Variants in XCR1 observed in about 807,000 individuals in gnomAD.
The protein encoded by XCR1 is X-C motif chemokine receptor 1, also known as chemokine XC receptor 1.
For synonymous variants in XCR1, 187 were observed against 188.5 expected (o/e 0.99, Z 0.06); for missense variants, 356 against 424.2 (o/e 0.84, Z 1.41).
At chr3:46,050,420 AACAATACTTCCT>A (rs1697718713) in intron 5 of XCR1, among the ~76,000 whole-genome samples, 1 of 152,160 alleles carries the variant, frequency 6.6e-6, no homozygotes, top group Non-Finnish European at 1.5e-5. Context: ...CCTCTCCATT[AACAATACTTCCT>A]AAGTATTGGT....
rs555642913 is a variant in XCR1, at chr3:46,054,558, G to A, written c.-182-488C>T. Among the ~76,000 whole-genome samples, 22 of 152,084 alleles carry A rather than the reference G, an allele frequency of 1.4e-4. No homozygotes were observed. In the South Asian group the frequency reaches 2.9e-3, roughly 20 times the overall value. ...ACACTCAAAAGGACGAGGGGGGGGC[G>A]AGTGTGATGGATTACTGTTACCGAA... On this transcript the variant is annotated intron_variant, in intron 4 of 5. Coordinates refer to the XCR1 transcript ENST00000683768.
intron 5 of XCR1, among the ~76,000 whole-genome samples, chr3:46,048,475 G>A (rs966613860): frequency 2.6e-5 from 4 of 151,946 alleles, no homozygotes; most frequent in African/African-American, 4.8e-5. Context: ...GATTCTGGTC[G>A]GCCTTCTCTC....
chr3:46,060,753 A>G (rs904540270), intron 4 of XCR1, among the ~76,000 whole-genome samples: 3 of 152,198 alleles, frequency 2.0e-5, no homozygotes, highest in Admixed American at 6.5e-5. Context: ...CTATGGAGAA[A>G]CAGTATGTAT....
chr3:46,042,910 A>G (rs1479450173), intron 5 of XCR1, among the ~76,000 whole-genome samples: 3 of 152,230 alleles, frequency 2.0e-5, no homozygotes, highest in African/African-American at 4.8e-5. Context: ...ATATAGATGC[A>G]AAAATCCTCA....
chr3:46,065,803 T>A (rs188959185), intron 4 of XCR1, among the ~76,000 whole-genome samples: 143 of 152,294 alleles, frequency 9.4e-4, no homozygotes, highest in Admixed American at 4.2e-3. Flanking sequence ...CTGGGCGGTG[T>A]GCTCTAAATG....
intron 4 of XCR1, among the ~76,000 whole-genome samples, chr3:46,059,941 G>A (rs1430658611): frequency 6.6e-6 from 1 of 152,190 alleles, no homozygotes; most frequent in Non-Finnish European, 1.5e-5. Flanking sequence ...GTGTCCTTGA[G>A]TGATAGTAGT....
chr3:46,063,586 G>T (rs1409430526), intron 4 of XCR1, among the ~76,000 whole-genome samples: 1 of 152,132 alleles, frequency 6.6e-6, no homozygotes, highest in Non-Finnish European at 1.5e-5. Flanking sequence ...GGTGGAAAAG[G>T]TGGAAGGTGG....
In XCR1 at chr3:46,057,412, C is replaced by T. The variant is rs113394081; in HGVS notation, c.-182-3342G>A. Among the ~76,000 whole-genome samples, 178 of 152,212 alleles carry T rather than the reference C, an allele frequency of 1.2e-3. 1 individual carries two copies. Among genetic ancestry groups the T allele is most frequent in the Middle Eastern group, 6.8e-3 (2 of 294 alleles). On this transcript the variant is annotated intron_variant, in intron 4 of 5. Coordinates refer to the XCR1 transcript ENST00000683768. Reference sequence around the variant, plus strand: ...CTGTTGGGGATGATGAAAAAATTGGCGTCTTGATTTTGGTGATAATTTCAT... The same window carrying T: ...CTGTTGGGGATGATGAAAAAATTGGTGTCTTGATTTTGGTGATAATTTCAT...
chr3:46,052,333 C>T (rs1401083897), intron 5 of XCR1, among the ~76,000 whole-genome samples: 3 of 152,150 alleles, frequency 2.0e-5, no homozygotes, highest in Non-Finnish European at 2.9e-5. Context: ...TGGGGATGCC[C>T]TGATTGTTTG....
chr3:46,028,831 A>T (rs2125895183), upstream of XCR1, among the ~76,000 whole-genome samples: 1 of 152,208 alleles, frequency 6.6e-6, no homozygotes, highest in Admixed American at 6.5e-5. Context: ...GCCTCAAGTG[A>T]TCCTCCTGCC....
chr3:46,023,691 G>A (rs1708218324), intron 1 of XCR1: 1 of 1,497,414 alleles, frequency 6.7e-7, no homozygotes, highest in African/African-American at 1.4e-5. Flanking sequence ...AGATTCAGGG[G>A]ATCTTTGACA....
At chr3:46,075,743 A>C (rs938907504) in intron 2 of XCR1, among the ~76,000 whole-genome samples, 20 of 152,234 alleles carry the variant, frequency 1.3e-4, no homozygotes, top group Non-Finnish European at 2.9e-4. Flanking sequence ...AAATGACTTG[A>C]AGAGACATTT....
In XCR1 at chr3:46,051,209, C is replaced by A. The variant is rs141769148; in HGVS notation, c.-32+2711G>T. Reference sequence around the variant, plus strand: ...TTTTCTTGTAGAAACCTCCCCAAACCTTTTCCACTCTGATATCTCATGTTC... The same window carrying A: ...TTTTCTTGTAGAAACCTCCCCAAACATTTTCCACTCTGATATCTCATGTTC... On this transcript the variant is annotated intron_variant, in intron 5 of 5. Transcript: ENST00000683768. 3.2e-4 allele frequency among the ~76,000 whole-genome samples: 49 copies of A among 152,302 alleles called. No individual in the cohort carries two copies. The East Asian group carries it at 9.3e-3, about 29-fold the overall frequency.
rs1005939075 is a variant in XCR1, at chr3:46,065,301, C to T, written c.-183+1598G>A. 3.3e-5 allele frequency among the ~76,000 whole-genome samples: 5 copies of T among 152,156 alleles called. No homozygotes were observed. In the East Asian group the frequency reaches 5.8e-4, roughly 18 times the overall value. ...AACCTGCTTTTCCTTCCCACCTTCA[C>T]CCATCCCGCACTTTCAGGCTCCCCT... is the stretch of plus-strand genomic sequence containing the variant. On this transcript the variant is annotated intron_variant, in intron 4 of 5. Transcript: ENST00000683768.
intron 1 of XCR1, among the ~76,000 whole-genome samples, chr3:46,080,055 T>A (rs1407230418): frequency 5.4e-5 from 8 of 149,256 alleles, no homozygotes; most frequent in African/African-American, 2.0e-4. Context: ...TTGTGCTTAA[T>A]TATTTTGAAC....
rs993303274 is a variant in XCR1, at chr3:46,080,602, C to G, written c.-514-3676G>C. 7.9e-5 allele frequency among the ~76,000 whole-genome samples: 12 copies of G among 152,098 alleles called. No homozygotes were observed. The East Asian group carries it at 2.3e-3, about 29-fold the overall frequency. On this transcript the variant is annotated intron_variant, in intron 1 of 5. Coordinates refer to the XCR1 transcript ENST00000683768. Reference sequence around the variant, plus strand: ...AAAAAACCCCAGCCCCCCTGCCAAACAAACAAACAAGAACTTTATTAGAAG... The same window carrying G: ...AAAAAACCCCAGCCCCCCTGCCAAAGAAACAAACAAGAACTTTATTAGAAG...
chr3:46,085,526 C>G (rs144324091), intron 1 of XCR1, among the ~76,000 whole-genome samples: 85 of 152,336 alleles, frequency 5.6e-4, no homozygotes, highest in African/African-American at 1.9e-3. Context: ...CTGCCCCTCC[C>G]CTTCACAGCA....
intron 3 of XCR1, among the ~76,000 whole-genome samples, chr3:46,073,909 A>G (rs1306924334): frequency 6.6e-6 from 1 of 151,912 alleles, no homozygotes; most frequent in Non-Finnish European, 1.5e-5. Flanking sequence ...TGGCAATTAA[A>G]AAAAAAAAAC....
chr3:46,046,847 T>C (rs1048355456), intron 5 of XCR1, among the ~76,000 whole-genome samples: 1 of 152,212 alleles, frequency 6.6e-6, no homozygotes, highest in African/African-American at 2.4e-5. Flanking sequence ...AAATCAAGAA[T>C]TTTGTTTTAT....
Sources: gnomAD v4.1 joint callset for allele counts (sites outside exome capture counted in the v4.1 genomes callset) on GRCh38, gnomAD v4.1.1 for gene constraint, MANE v1.5 for transcripts, NCBI Gene and HGNC (gene_info 2026-07-23, HGNC 2026-07-21) for gene names.